Variants in GPHN observed in about 807,000 individuals in gnomAD.
GPHN encodes the protein gephyrin.
In GPHN, 17 loss-of-function variants were observed where a neutral mutation model predicts 95.5. That is an observed-to-expected ratio of 0.18 (90% CI 0.12 to 0.27). GPHN has a LOEUF of 0.27. Among genes scored for constraint, GPHN ranks in the 10% least tolerant of loss-of-function variants. The pLI, the probability that GPHN is intolerant of heterozygous loss-of-function variation, is 1.00. For synonymous variants in GPHN, 320 were observed against 322.5 expected (o/e 0.99, Z 0.08); for missense variants, 660 against 978.1 (o/e 0.67, Z 4.34).
intron 8 of GPHN, among the ~76,000 whole-genome samples, chr14:66,960,946 C>G (rs1019984296): frequency 4.6e-5 from 7 of 152,106 alleles, no homozygotes; most frequent in Non-Finnish European, 1.0e-4. Flanking sequence ...GCCCAGATGA[C>G]AGTGGCTAAT....
At chr14:66,661,661 AC>A (rs574118774) in intron 1 of GPHN, among the ~76,000 whole-genome samples, 228 of 151,992 alleles carry the variant, frequency 1.5e-3, no homozygotes, top group Non-Finnish European at 1.9e-3. Context: ...TTTAAGCAGA[AC>A]CCTGATCCGT....
the GPHN span, chr14:67,583,908 G>A: frequency 4.3e-6 from 7 of 1,612,310 alleles, no homozygotes; most frequent in Non-Finnish European, 5.9e-6. Context: ...AGGTCTTGCA[G>A]CAAGTCACTG....
the GPHN span, among the ~76,000 whole-genome samples, chr14:67,419,015 G>A: frequency 1.3e-5 from 2 of 152,152 alleles, no homozygotes; most frequent in African/African-American, 2.4e-5. Context: ...AAGGAGAAAT[G>A]CCCCTTGGCA....
rs1452531100 is a variant in GPHN at position 66,924,179 on chromosome 14, T to C, written c.730-15T>C. On this transcript the variant is annotated splice_polypyrimidine_tract_variant and intron_variant, in intron 7 of 22. Coordinates refer to ENST00000478722, the MANE Select transcript of GPHN (RefSeq NM_020806.5). ...CCTGTCACTATATTCATAGTTGTTA[T>C]GTGTTGTGCATTAGAAGCATCCATT... 7.9e-6 allele frequency: 11 copies of C among 1,389,904 alleles called. No homozygotes were observed. Among genetic ancestry groups the C allele is most frequent in the African/African-American group, 1.4e-5 (1 of 70,696 alleles). 86.1% of individuals were successfully genotyped at this position (1,389,904 alleles called of 1,614,324 possible).
At chr14:67,297,893 T>C in the GPHN span, among the ~76,000 whole-genome samples, 2 of 152,220 alleles carry the variant, frequency 1.3e-5, no homozygotes, top group Non-Finnish European at 2.9e-5. Context: ...AATAGCCCTA[T>C]TGATAATTTT....
chr14:67,177,316 T>G (rs570865627), intron 21 of GPHN, among the ~76,000 whole-genome samples: 1 of 152,364 alleles, frequency 6.6e-6, no homozygotes, highest in Admixed American at 6.5e-5. Context: ...TCTTTATTTC[T>G]GCCTTCATTT....
At chr14:67,149,717 G>A (rs977073764) in intron 18 of GPHN, among the ~76,000 whole-genome samples, 1 of 152,152 alleles carries the variant, frequency 6.6e-6, no homozygotes, top group South Asian at 2.1e-4. Context: ...GAGAAAACTA[G>A]GGAGCTTGGA....
chr14:67,206,498 AAAAC>A, the GPHN span, among the ~76,000 whole-genome samples: 5 of 152,280 alleles, frequency 3.3e-5, no homozygotes, highest in South Asian at 8.3e-4. Context: ...CCTGTCTCAA[AAAAC>A]AAACAAACAA....
rs1019281652 is a variant in GPHN at position 67,058,423 on chromosome 14, A to G, written c.1007-226A>G. Among the ~76,000 whole-genome samples the G allele has an allele frequency of 2.0e-5, 3 of 152,334 alleles. No individual in the cohort carries two copies. The East Asian group carries it at 5.8e-4, about 29-fold the overall frequency. ...TAGTGCCTTTAAGTCAGTTCATTGA[A>G]CATGTCTGGAGCAGCCACTGGGTTT... On this transcript the variant is annotated intron_variant, in intron 10 of 22. Coordinates refer to ENST00000478722, the MANE Select transcript of GPHN (RefSeq NM_020806.5).
chr14:67,565,156 C>T, the GPHN span, among the ~76,000 whole-genome samples: 6 of 152,124 alleles, frequency 3.9e-5, no homozygotes, highest in African/African-American at 1.4e-4. Context: ...TGTGGTTTCT[C>T]CCTTTTACAG....
At chr14:67,302,647 A>T in the GPHN span, 13 of 1,140,550 alleles carry the variant, frequency 1.1e-5, 1 homozygote, top group Admixed American at 1.2e-4. Flanking sequence ...AAATATTTTT[A>T]AAATAACTGT....
the GPHN span, among the ~76,000 whole-genome samples, chr14:67,707,398 T>A: frequency 6.6e-6 from 1 of 152,176 alleles, no homozygotes; most frequent in Non-Finnish European, 1.5e-5. Context: ...TTATTATACT[T>A]GGCCTAATTA....
At chr14:67,707,363 C>T in the GPHN span, among the ~76,000 whole-genome samples, 3 of 152,162 alleles carry the variant, frequency 2.0e-5, no homozygotes, top group African/African-American at 7.2e-5. Context: ...TTACTAAAGA[C>T]AAATTATGGT....
the GPHN span, chr14:67,345,693 C>T: frequency 1.0e-6 from 1 of 968,122 alleles, no homozygotes; most frequent in Non-Finnish European, 1.7e-6. Flanking sequence ...TATATGCTGA[C>T]TCAAGACCTG....
the GPHN span, among the ~76,000 whole-genome samples, chr14:67,324,897 A>ATTTTTTTT: frequency 2.1e-4 from 16 of 76,326 alleles, 1 homozygote; most frequent in East Asian, 4.4e-4. Flanking sequence ...CCTTCCTTTC[A>ATTTTTTTT]TTTTTTTTTT....
At chr14:66,837,991 G>A (rs772577402) in intron 4 of GPHN, among the ~76,000 whole-genome samples, 8 of 151,968 alleles carry the variant, frequency 5.3e-5, no homozygotes, top group Admixed American at 1.3e-4. Flanking sequence ...AAATAGTGTT[G>A]CCCATATAAC....
At chr14:67,321,008 C>A in the GPHN span, 3 of 1,491,936 alleles carry the variant, frequency 2.0e-6, no homozygotes, top group Non-Finnish European at 2.8e-6. Context: ...TATCCCCTGT[C>A]CTCACTCTAA....
chr14:67,729,074 C>T, the GPHN span: 2 of 1,052,154 alleles, frequency 1.9e-6, no homozygotes, highest in Admixed American at 3.4e-5. Flanking sequence ...CCTGCTGAAT[C>T]CTGGGGTTAT....
the GPHN span, among the ~76,000 whole-genome samples, chr14:67,626,703 A>C: frequency 6.6e-6 from 1 of 152,060 alleles, no homozygotes; most frequent in Non-Finnish European, 1.5e-5. Flanking sequence ...CAAGTGATCC[A>C]CCTGCCTCAG....
Sources: gnomAD v4.1 joint callset for allele counts (sites outside exome capture counted in the v4.1 genomes callset) on GRCh38, gnomAD v4.1.1 for gene constraint, MANE v1.5 for transcripts, NCBI Gene and HGNC (gene_info 2026-07-23, HGNC 2026-07-21) for gene names.